Variants in ASPG observed in about 807,000 individuals in gnomAD.
ASPG encodes asparaginase.
ASPG carries 53 observed loss-of-function variants against 63.2 expected under a neutral mutation model. The ratio of observed to expected loss-of-function variants is 0.84; its 90% CI spans 0.67 to 1.05. The LOEUF (loss-of-function observed/expected upper bound fraction) is 1.05. ASPG is among the 50% of genes least tolerant of loss of function. The pLI is 0.00. For missense variants in ASPG, 741 were observed against 794.4 expected (o/e 0.93, Z 0.81); for synonymous variants, 370 against 355.0 (o/e 1.04, Z -0.48).
intron 1 of ASPG, among the ~76,000 whole-genome samples, chr14:104,090,438 C>T (rs2036333830): frequency 6.6e-6 from 1 of 152,264 alleles, no homozygotes; most frequent in Non-Finnish European, 1.5e-5. Flanking sequence ...GGCCACTGTG[C>T]CGGGCGGCTG....
intron 1 of ASPG, among the ~76,000 whole-genome samples, chr14:104,089,248 C>T (rs530293590): frequency 6.6e-6 from 1 of 152,078 alleles, no homozygotes; most frequent in Admixed American, 6.5e-5. Flanking sequence ...CGCGGTGGCT[C>T]ACACCTGTAA....
In ASPG at chr14:104,111,617, C is replaced by A. The variant is rs1449971134; in HGVS notation, c.1620+16C>A. The A allele has an allele frequency of 1.9e-6, 3 of 1,546,200 alleles. No homozygotes were observed. The highest frequency in any genetic ancestry group is 1.2e-5 in the South Asian group (1 of 83,790). ...CCTGCACGTCGTGAGTGCCCCCACC[C>A]CCTGCACCCTCTCCAAAGGCTGCCA... On this transcript the variant is annotated intron_variant, in intron 14 of 15. Transcript: ENST00000551177.
At position 104,106,837 on chromosome 14, in the gene ASPG, G is replaced by T; in HGVS notation, c.1212G>T (p.Leu404=). Residue 404 remains leucine (L), a synonymous_variant, in exon 11 of 16, where the codon CTG becomes CTT. Transcript: ENST00000551177. ...DALRNALVPS[L]ACAAAHAGDV... ...TGCGGAATGCCCTGGTGCCCAGCCT[G>T]GCCTGTGCTGCTGCCCACGCCGGTG... The T allele has an allele frequency of 6.2e-7, 1 of 1,601,724 alleles. No individual in the cohort carries two copies. Among genetic ancestry groups the T allele is most frequent in the Non-Finnish European group, 8.5e-7 (1 of 1,175,760 alleles).
intron 2 of ASPG, chr14:104,093,289 G>A (rs753049326): frequency 2.3e-5 from 15 of 647,134 alleles, no homozygotes; most frequent in African/African-American, 1.8e-4. Flanking sequence ...CCTGACCTAC[G>A]TCCTTGCCTC....
intron 7 of ASPG, 116 bp from the exon 8 acceptor site, chr14:104,104,188 C>T: frequency 4.2e-6 from 5 of 1,197,266 alleles, no homozygotes; most frequent in Non-Finnish European, 5.8e-6. Context: ...GGGAGCAGAG[C>T]AGGCACCAGC....
chr14:104,111,414 C>G, intron 13 of ASPG, 88 bp from the exon 14 acceptor site: 1 of 1,227,130 alleles, frequency 8.1e-7, no homozygotes, highest in African/African-American at 1.5e-5. Flanking sequence ...TTTGTAAGAG[C>G]GTCCAGGCCA....
intron 5 of ASPG, among the ~76,000 whole-genome samples, chr14:104,098,153 G>A (rs111310801): frequency 0.042 from 2,542 of 59,894 alleles, 5 homozygotes; most frequent in African/African-American, 0.075. Context: ...TGGAGGTTCT[G>A]CGTTAGAGAT....
At chr14:104,111,829 G>A in intron 14 of ASPG, 91 bp from the exon 15 acceptor site, 4 of 1,303,804 alleles carry the variant, frequency 3.1e-6, no homozygotes, top group Non-Finnish European at 4.3e-6. Context: ...GTGGGCTGGG[G>A]ACAGGGGAGG....
At chr14:104,093,018 C>T in intron 2 of ASPG, 1 of 521,618 alleles carries the variant, frequency 1.9e-6, no homozygotes, top group Non-Finnish European at 3.5e-6. Flanking sequence ...GGCGCCCCGT[C>T]TAGGGATCCT....
chr14:104,108,584 C>T (rs981319933), intron 12 of ASPG: 76 of 985,228 alleles, frequency 7.7e-5, no homozygotes, highest in Non-Finnish European at 8.1e-5. Context: ...GGTGGGGGCA[C>T]GGCCAGCGAT....
Position 104,097,582 on chromosome 14 carries a change from G to A in ASPG, c.458G>A (p.Gly153Asp). Residue 153 changes from glycine (G) to aspartate (D), a missense_variant, in exon 5 of 16, where the codon GGC (glycine) becomes GAC (aspartate). Physicochemically the swap from Gly to Asp is moderately conservative, Grantham distance 94. Coordinates refer to ENST00000551177, the MANE Select transcript of ASPG (RefSeq NM_001080464.3). ...QVPIHALWSDGRENLLGALLM... is the reference protein window; with the variant it reads ...QVPIHALWSDDRENLLGALLM... ...CCCATCCATGCCCTGTGGAGCGACGGCCGTGAGAACCTGCTGGGGGCACTG... is the reference window on the plus strand; with the variant it reads ...CCCATCCATGCCCTGTGGAGCGACGACCGTGAGAACCTGCTGGGGGCACTG... 6.4e-7 allele frequency: 1 copy of A among 1,560,180 alleles called. No individual in the cohort carries two copies. The highest frequency in any genetic ancestry group is 1.4e-5 in the African/African-American group (1 of 73,704).
intron 3 of ASPG, 87 bp from the exon 4 acceptor site, chr14:104,095,444 G>A: frequency 6.3e-7 from 1 of 1,576,604 alleles, no homozygotes; most frequent in Non-Finnish European, 8.6e-7. Flanking sequence ...CCTCCTCTCT[G>A]CATCCGGACC....
At chr14:104,104,222 C>A in intron 7 of ASPG, 82 bp from the exon 8 acceptor site, 1 of 1,462,478 alleles carries the variant, frequency 6.8e-7, no homozygotes, top group Non-Finnish European at 9.2e-7. Context: ...GGGTCCCTCT[C>A]CTTGGGAGGG....
In ASPG at chr14:104,095,554, C is replaced by A. The variant is rs1208837700; in HGVS notation, c.327C>A (p.Gly109=). ...AGAGGCACTACGAGCAGTACCACGG[C>A]TTTGTGGTCATCCACGGCACCGACA... ...TIKRHYEQYH[G]FVVIHGTDTM... Residue 109 remains glycine, a synonymous_variant, in exon 4 of 16, where the codon GGC becomes GGA. Coordinates refer to ENST00000551177, the MANE Select transcript of ASPG (RefSeq NM_001080464.3). 3.7e-6 allele frequency: 6 copies of A among 1,613,162 alleles called. 1 individual carries two copies. The highest frequency in any genetic ancestry group is 8.5e-7 in the Non-Finnish European group (1 of 1,179,814).
intron 1 of ASPG, among the ~76,000 whole-genome samples, chr14:104,088,563 C>T (rs1055235514): frequency 2.0e-5 from 3 of 152,114 alleles, no homozygotes; most frequent in Non-Finnish European, 2.9e-5. Flanking sequence ...TCCTTGCAGG[C>T]ACAGCAGGGA....
chr14:104,092,715 C>T lies in ASPG; in HGVS notation c.165C>T (p.Gly55=), dbSNP rs369913701. The T allele has an allele frequency of 3.1e-5, 48 of 1,536,520 alleles. No individual in the cohort carries two copies. The highest frequency in any genetic ancestry group is 2.1e-4 in the Middle Eastern group (1 of 4,698). The part of the protein sequence containing the change: ...FHDEEHARAR[G]LSEDTLVLPP... ...ACGAGGAGCACGCCCGAGCCCGCGG[C>T]CTCTCTGAGGACACCCTGGTGCTAC... Residue 55 remains glycine (G), a synonymous_variant, in exon 2 of 16, where the codon GGC becomes GGT. Transcript: ENST00000551177.
At chr14:104,111,304 C>A in intron 13 of ASPG, 198 bp from the exon 14 acceptor site, 1 of 736,748 alleles carries the variant, frequency 1.4e-6, no homozygotes, top group Non-Finnish European at 1.7e-6. Flanking sequence ...GAGTCGCAGT[C>A]CCACCCACTG....
chr14:104,107,059 G>A, intron 11 of ASPG, 123 bp from the exon 12 acceptor site: 2 of 1,370,000 alleles, frequency 1.5e-6, no homozygotes, highest in Non-Finnish European at 9.8e-7. Flanking sequence ...TCTCACTGAG[G>A]CTTTGAGGGT....
At chr14:104,112,262 G>C in intron 15 of ASPG, among the ~76,000 whole-genome samples, 1 of 152,074 alleles carries the variant, frequency 6.6e-6, no homozygotes, top group Non-Finnish European at 1.5e-5. Context: ...GCCCAGCCAG[G>C]GCTCAGCATC....
Sources: allele counts gnomAD v4.1 joint callset (sites outside exome capture counted in the v4.1 genomes callset), GRCh38; gene constraint gnomAD v4.1.1; transcripts MANE v1.5; gene names NCBI Gene and HGNC (gene_info 2026-07-23, HGNC 2026-07-21).